KHDRBS2: variants seen among roughly 807,000 people sequenced by gnomAD.
The protein encoded by KHDRBS2 is KH domain-containing, RNA-binding, signal transduction-associated protein 2.
In KHDRBS2, 26 loss-of-function variants were observed where a neutral mutation model predicts 44.3. That is an observed-to-expected ratio of 0.59 (90% CI 0.43 to 0.81). The LOEUF is 0.81. Ranked by LOEUF, KHDRBS2 falls within the 40% of genes least tolerant of loss-of-function variation. The pLI, the probability that KHDRBS2 is intolerant of heterozygous loss-of-function variation, is 0.00. For synonymous variants in KHDRBS2, 194 were observed against 151.1 expected (o/e 1.28, Z -2.08); for missense variants, 476 against 433.1 (o/e 1.10, Z -0.88).
the KHDRBS2 span, among the ~76,000 whole-genome samples, chr6:61,655,236 A>ACT: frequency 1.4e-5 from 2 of 143,958 alleles, no homozygotes; most frequent in Non-Finnish European, 3.2e-5. Flanking sequence ...ACACACACAC[A>ACT]CACACACACA....
intron 4 of KHDRBS2, among the ~76,000 whole-genome samples, chr6:61,932,005 C>G (rs770295778): frequency 1.8e-4 from 28 of 152,002 alleles, no homozygotes; most frequent in Non-Finnish European, 3.5e-4. Context: ...CACTAGCTTA[C>G]TTTATTGTAA....
chr6:62,242,403 T>C (rs1834820335), intron 1 of KHDRBS2, among the ~76,000 whole-genome samples: 1 of 152,152 alleles, frequency 6.6e-6, no homozygotes, highest in Non-Finnish European at 1.5e-5. Context: ...GTAATTTTTG[T>C]TGTGGTGGTT....
chr6:62,073,174 T>C (rs562596963), intron 2 of KHDRBS2, among the ~76,000 whole-genome samples: 2 of 151,918 alleles, frequency 1.3e-5, no homozygotes, highest in African/African-American at 4.8e-5. Flanking sequence ...TAAAACTCAT[T>C]AGTGAAGATA....
chr6:61,930,546 G>GAAAAAAAAAAAAAAAAAAAAAAAAAAAA (rs1439236595), intron 4 of KHDRBS2, among the ~76,000 whole-genome samples: 3 of 47,566 alleles, frequency 6.3e-5, no homozygotes, highest in Non-Finnish European at 8.6e-5. Context: ...AAAAAAAAAA[G>GAAAAAAAAAAAAAAAAAAAAAAAAAAAA]AAAAAAAAAA....
the KHDRBS2 span, among the ~76,000 whole-genome samples, chr6:61,641,185 T>C: frequency 6.6e-6 from 1 of 152,170 alleles, no homozygotes. Context: ...TATCAGTCTC[T>C]TGCTTCCAAT....
At chr6:62,130,706 T>C (rs1239110611) in intron 2 of KHDRBS2, among the ~76,000 whole-genome samples, 1 of 152,080 alleles carries the variant, frequency 6.6e-6, no homozygotes, top group African/African-American at 2.4e-5. Context: ...TTAAAACACC[T>C]AACATGCAGA....
chr6:61,697,084 T>G (rs577558563), intron 8 of KHDRBS2, 111 bp downstream of exon 8: 1 of 769,800 alleles, frequency 1.3e-6, no homozygotes, highest in African/African-American at 1.7e-5. Flanking sequence ...ATGAATCAAT[T>G]TAGTCTAGAC....
intron 4 of KHDRBS2, among the ~76,000 whole-genome samples, chr6:61,936,926 T>G (rs1811132123): frequency 6.6e-6 from 1 of 152,072 alleles, no homozygotes; most frequent in Non-Finnish European, 1.5e-5. Context: ...CACATGTATC[T>G]AATTTATCCA....
intron 6 of KHDRBS2, among the ~76,000 whole-genome samples, chr6:61,767,360 G>A (rs374120048): frequency 5.3e-4 from 81 of 152,034 alleles, no homozygotes; most frequent in African/African-American, 1.9e-3. Flanking sequence ...CATAGTTAAA[G>A]TGTGTTTCAT....
chr6:61,795,975 T>A (rs1785294334), intron 6 of KHDRBS2, among the ~76,000 whole-genome samples: 1 of 152,110 alleles, frequency 6.6e-6, no homozygotes, highest in Non-Finnish European at 1.5e-5. Flanking sequence ...GTTAAGATCA[T>A]GAGGATGGAA....
At chr6:61,982,039 C>T (rs758325130) in intron 3 of KHDRBS2, among the ~76,000 whole-genome samples, 16 of 152,074 alleles carry the variant, frequency 1.1e-4, no homozygotes, top group Non-Finnish European at 1.6e-4. Flanking sequence ...AATGAATTCA[C>T]GTCAGATATT....
intron 6 of KHDRBS2, among the ~76,000 whole-genome samples, chr6:61,876,860 C>T (rs1246189662): frequency 6.6e-6 from 1 of 151,882 alleles, no homozygotes; most frequent in Non-Finnish European, 1.5e-5. Context: ...CTTAAAATTC[C>T]AGGGACTTCT....
chr6:62,084,691 T>C (rs1798081459), intron 2 of KHDRBS2, among the ~76,000 whole-genome samples: 1 of 152,174 alleles, frequency 6.6e-6, no homozygotes, highest in African/African-American at 2.4e-5. Context: ...TGTTGTATCA[T>C]TAAAAATGAC....
chr6:61,606,797 C>A, the KHDRBS2 span, among the ~76,000 whole-genome samples: 1 of 152,138 alleles, frequency 6.6e-6, no homozygotes, highest in African/African-American at 2.4e-5. Context: ...TTTTTCTCTA[C>A]AGGTGCAAAT....
chr6:61,631,015 T>C, the KHDRBS2 span, among the ~76,000 whole-genome samples: 1 of 152,118 alleles, frequency 6.6e-6, no homozygotes, highest in Non-Finnish European at 1.5e-5. Flanking sequence ...GAAGAATACC[T>C]GATCTTTTCC....
intron 2 of KHDRBS2, among the ~76,000 whole-genome samples, chr6:62,074,287 C>T (rs1795897768): frequency 6.6e-6 from 1 of 151,854 alleles, no homozygotes; most frequent in African/African-American, 2.4e-5. Flanking sequence ...TGTTAAGCCA[C>T]TACATTTGTG....
chr6:62,094,054 T>C (rs563502701), intron 2 of KHDRBS2, among the ~76,000 whole-genome samples: 74 of 152,060 alleles, frequency 4.9e-4, no homozygotes, highest in African/African-American at 1.7e-3. Flanking sequence ...AGTAGCGGGA[T>C]TGCTAGACCT....
rs541491951 is a variant in KHDRBS2 at position 61,970,060 on chromosome 6, A to C, written c.483+8006T>G. 1.4e-4 allele frequency among the ~76,000 whole-genome samples: 21 copies of C among 152,150 alleles called. No homozygotes were observed. In the East Asian group the frequency reaches 3.5e-3, roughly 25 times the overall value. The stretch of plus-strand genomic sequence containing the variant: ...AAATAGTAGCAATATAAAAGGAAAC[A>C]GATTTTGGAAAGTTACAATTGACTC... On this transcript the variant is annotated intron_variant, in intron 4 of 8. Coordinates refer to ENST00000281156, the MANE Select transcript of KHDRBS2 (RefSeq NM_152688.4).
chr6:61,974,997 G>A (rs1183384393), intron 4 of KHDRBS2, among the ~76,000 whole-genome samples: 1 of 151,734 alleles, frequency 6.6e-6, no homozygotes, highest in Non-Finnish European at 1.5e-5. Flanking sequence ...ACTACAGTGT[G>A]TGAATGGAGA....
Sources: allele counts gnomAD v4.1 joint callset (sites outside exome capture counted in the v4.1 genomes callset), GRCh38; gene constraint gnomAD v4.1.1; transcripts MANE v1.5; gene names NCBI Gene and HGNC (gene_info 2026-07-23, HGNC 2026-07-21).